PRH1: variants seen among roughly 807,000 people sequenced by gnomAD.
PRH1 encodes proline rich protein HaeIII subfamily 1, also known as salivary acidic proline-rich phosphoprotein 1/2.
A neutral mutation model predicts 7.9 loss-of-function variants in PRH1; 7 were observed. That is an observed-to-expected ratio of 0.89 (90% CI 0.50 to 1.67). The LOEUF (loss-of-function observed/expected upper bound fraction) is 1.67. Among genes scored for constraint, PRH1 ranks in the 40% most tolerant of loss-of-function variants. The pLI is 0.00. For missense variants in PRH1, 109 were observed against 223.6 expected (o/e 0.49, Z 3.27); for synonymous variants, 45 against 80.8 (o/e 0.56, Z 2.38).
intron 2 of PRH1, among the ~76,000 whole-genome samples, chr12:10,932,897 G>T (rs1950234317): frequency 6.6e-6 from 1 of 151,504 alleles, no homozygotes. Flanking sequence ...AATGCAACCA[G>T]GAGTATTGAA....
rs75987490 is a variant in PRH1 at position 11,066,570 on chromosome 12, A to G, written n.124-19382T>C. 2.5e-5 allele frequency among the ~76,000 whole-genome samples: 2 copies of G among 80,680 alleles called. 1 individual carries two copies. The highest frequency in any genetic ancestry group is 6.2e-5 in the Non-Finnish European group (2 of 32,260). 52.9% of individuals were successfully genotyped at this position (80,680 alleles called of 152,430 possible). On this transcript the variant is annotated intron_variant and non_coding_transcript_variant, in intron 1 of 4. Coordinates refer to the PRH1 transcript ENST00000541977. The stretch of plus-strand genomic sequence containing the variant: ...AACTTTCCCACAATGATGGTCTTTT[A>G]AAAATTACTTATTTTCCAAATTATG...
chr12:11,170,326 C>T (rs1054869569), intron 1 of PRH1, among the ~76,000 whole-genome samples: 6 of 152,134 alleles, frequency 3.9e-5, no homozygotes, highest in African/African-American at 1.4e-4. Context: ...GCGGGCAGAT[C>T]ACGAGGTCAG....
Position 11,089,225 on chromosome 12 carries a change from A to AT in PRH1, n.124-42038dup, listed in dbSNP as rs1170100816. Among the ~76,000 whole-genome samples, 12 of 116,296 alleles carry AT rather than the reference A, an allele frequency of 1.0e-4. 2 individuals are homozygous for AT. Among genetic ancestry groups the AT allele is most frequent in the African/African-American group, 3.5e-4 (12 of 34,644 alleles). The allele number at this position is 116,296 out of a possible 152,430, so 76.3% of individuals were successfully genotyped here. A position where few individuals can be genotyped will look rare whatever the true frequency, so the allele number is the denominator to read the frequency against. ...TTGAATGCATCACCACACTGTGGGC[A>AT]TAAGGTATGACTTTCATGACCACCA... On this transcript the variant is annotated intron_variant and non_coding_transcript_variant, in intron 1 of 4. Coordinates refer to the PRH1 transcript ENST00000541977.
At chr12:10,952,212 T>C (rs1342687172) in intron 2 of PRH1, among the ~76,000 whole-genome samples, 1 of 152,176 alleles carries the variant, frequency 6.6e-6, no homozygotes, top group African/African-American at 2.4e-5. Context: ...TGAATAGATG[T>C]AATAGGTTCA....
intron 1 of PRH1, among the ~76,000 whole-genome samples, chr12:11,114,966 T>C (rs1434110525): frequency 1.3e-5 from 2 of 151,184 alleles, no homozygotes; most frequent in African/African-American, 2.4e-5. Flanking sequence ...TAAAGAAAAA[T>C]AGGAAGGTAG....
chr12:11,094,350 T>C (rs1246545867), intron 1 of PRH1, among the ~76,000 whole-genome samples: 1 of 91,002 alleles, frequency 1.1e-5, no homozygotes, highest in African/African-American at 3.9e-5. Flanking sequence ...ACATGTGAGA[T>C]ATAAATATCT....
At chr12:11,004,125 T>C (rs904319629) in intron 1 of PRH1, among the ~76,000 whole-genome samples, 3 of 152,242 alleles carry the variant, frequency 2.0e-5, no homozygotes, top group East Asian at 1.9e-4. Context: ...AGGAGCAGTG[T>C]ATGAAAATTC....
rs141307079 is a variant in PRH1 at position 10,979,098 on chromosome 12, T to A, written c.-125-5377A>T. On this transcript the variant is annotated intron_variant, in intron 1 of 3. Coordinates refer to the PRH1 transcript ENST00000539853. ...GGGAGCTACAGACACCAGGGCCCACTTGAAGACGGAGGGCAGGAGGGGGGT... is the reference window on the plus strand; with the variant it reads ...GGGAGCTACAGACACCAGGGCCCACATGAAGACGGAGGGCAGGAGGGGGGT... 4.4e-3 allele frequency among the ~76,000 whole-genome samples: 668 copies of A among 152,202 alleles called. 5 individuals carry two copies. Among genetic ancestry groups the A allele is most frequent in the African/African-American group, 0.015 (638 of 41,532 alleles).
In PRH1 at chr12:11,005,649, G is replaced by A. The variant is rs1001071241; in HGVS notation, c.-125-31928C>T. ...AACACAAACACACACATGCATACAC[G>A]CCCCTCATGGATGGGAGGAATTATT... On this transcript the variant is annotated intron_variant, in intron 1 of 3. Coordinates refer to the PRH1 transcript ENST00000539853. 5.3e-5 allele frequency among the ~76,000 whole-genome samples: 8 copies of A among 151,974 alleles called. No individual in the cohort carries two copies. In the South Asian group the frequency reaches 6.2e-4, roughly 12 times the overall value.
At chr12:11,105,399 T>A (rs1054474362) in intron 1 of PRH1, among the ~76,000 whole-genome samples, 5 of 152,136 alleles carry the variant, frequency 3.3e-5, no homozygotes, top group Non-Finnish European at 7.4e-5. Context: ...GATTCCTGAA[T>A]TTGCAGGAAT....
At chr12:11,065,327 G>A (rs1270181619) in intron 1 of PRH1, among the ~76,000 whole-genome samples, 1 of 151,988 alleles carries the variant, frequency 6.6e-6, no homozygotes, top group Non-Finnish European at 1.5e-5. Context: ...GAAGTTTGAT[G>A]GTTTCTAAAA....
At chr12:11,064,497 T>C (rs993849089) in intron 1 of PRH1, among the ~76,000 whole-genome samples, 1 of 152,092 alleles carries the variant, frequency 6.6e-6, no homozygotes, top group Non-Finnish European at 1.5e-5. Context: ...TTTGATGCAA[T>C]TCCTCTGTAT....
chr12:11,154,903 C>T (rs904854678), intron 1 of PRH1, among the ~76,000 whole-genome samples: 2 of 121,190 alleles, frequency 1.7e-5, no homozygotes, highest in Admixed American at 8.4e-5. Flanking sequence ...GAATTTGAGG[C>T]TTCCTGTTTA....
intron 1 of PRH1, among the ~76,000 whole-genome samples, chr12:11,054,158 T>C (rs1386371221): frequency 6.6e-6 from 1 of 152,106 alleles, no homozygotes; most frequent in African/African-American, 2.4e-5. Context: ...CCTAGACAAA[T>C]ACCCTCACAT....
intron 1 of PRH1, among the ~76,000 whole-genome samples, chr12:11,053,157 T>A (rs74496068): frequency 7.4e-6 from 1 of 135,578 alleles, no homozygotes; most frequent in African/African-American, 2.6e-5. Flanking sequence ...AGCACTGGAT[T>A]TCAAAATATC....
chr12:11,123,608 T>C (rs1397374682), intron 1 of PRH1, among the ~76,000 whole-genome samples: 1 of 152,210 alleles, frequency 6.6e-6, no homozygotes, highest in Non-Finnish European at 1.5e-5. Flanking sequence ...TCAGTACAAC[T>C]TTGTATTTTC....
chr12:10,915,713 A>G (rs1165645871), intron 2 of PRH1, among the ~76,000 whole-genome samples: 1 of 152,122 alleles, frequency 6.6e-6, no homozygotes, highest in Non-Finnish European at 1.5e-5. Flanking sequence ...CTTAAACTCA[A>G]CCAATCAAAG....
At chr12:11,077,657 G>C in intron 1 of PRH1, 1 of 1,257,122 alleles carries the variant, frequency 8.0e-7, no homozygotes, top group Non-Finnish European at 1.1e-6. Context: ...ATTAACAGCA[G>C]AAAACATATT....
In PRH1 at chr12:11,133,785, A is replaced by G. The variant is rs967982182; in HGVS notation, n.40-12605T>C. 1.3e-5 allele frequency: 21 copies of G among 1,614,086 alleles called. 1 individual carries two copies. The African/African-American group carries it at 1.9e-4, about 14-fold the overall frequency. On this transcript the variant is annotated intron_variant and non_coding_transcript_variant, in intron 1 of 1. Transcript: ENST00000541175. ...ACGTTTCCTTCATATTCTTTTGTCC[A>G]TACAGTCTCATCCATGTTTATCACA...
Sources: gnomAD v4.1 joint callset for allele counts (sites outside exome capture counted in the v4.1 genomes callset) on GRCh38, gnomAD v4.1.1 for gene constraint, MANE v1.5 for transcripts, NCBI Gene and HGNC (gene_info 2026-07-23, HGNC 2026-07-21) for gene names.